The following GALNT13 variants were observed in gnomAD, a reference collection of about 807,000 sequenced individuals.
The protein encoded by GALNT13 is UDP-GalNAc:polypeptide N-acetylgalactosaminyltransferase 13.
A neutral mutation model predicts 64.2 loss-of-function variants in GALNT13; 28 were observed. The observed-to-expected ratio is 0.44, with a 90% CI of 0.32 to 0.60. The LOEUF is 0.60. Among genes scored for constraint, GALNT13 ranks in the 20% least tolerant of loss-of-function variants. GALNT13 has a pLI of 0.05. For synonymous variants in GALNT13, 214 were observed against 224.6 expected (o/e 0.95, Z 0.42); for missense variants, 577 against 669.8 (o/e 0.86, Z 1.53).
At chr2:154,346,591 G>A (rs1276890141) in intron 9 of GALNT13, among the ~76,000 whole-genome samples, 1 of 152,044 alleles carries the variant, frequency 6.6e-6, no homozygotes, top group Non-Finnish European at 1.5e-5. Flanking sequence ...CTGCCACCAT[G>A]TAAAGTGTAC....
At chr2:153,163,967 G>A in the GALNT13 span, among the ~76,000 whole-genome samples, 45 of 149,686 alleles carry the variant, frequency 3.0e-4, no homozygotes, top group Non-Finnish European at 4.6e-4. Flanking sequence ...GCAGTGAGCC[G>A]AGATCGCGCC....
chr2:154,449,812 TTTATG>T lies in GALNT13; in HGVS notation c.1531-594_1531-590del, dbSNP rs200353860. Among the ~76,000 whole-genome samples, 543 of 152,132 alleles carry T rather than the reference TTTATG, an allele frequency of 3.6e-3. 3 individuals carry two copies. The highest frequency in any genetic ancestry group is 0.013 in the African/African-American group (523 of 41,534). On this transcript the variant is annotated intron_variant, in intron 12 of 12. Coordinates refer to ENST00000392825, the MANE Select transcript of GALNT13 (RefSeq NM_052917.4). ...AATATGTGATCATCATGCCCCTGTT[TTTATG>T]TTATATTTTTAAGATTCTTAAAAAT...
chr2:154,415,194 A>G (rs948034899), intron 11 of GALNT13, among the ~76,000 whole-genome samples: 1 of 152,006 alleles, frequency 6.6e-6, no homozygotes, highest in Non-Finnish European at 1.5e-5. Flanking sequence ...AATTAAATTA[A>G]CATAACATTT....
chr2:153,583,924 C>T, the GALNT13 span, among the ~76,000 whole-genome samples: 28 of 152,180 alleles, frequency 1.8e-4, no homozygotes, highest in East Asian at 1.7e-3. Context: ...GGGAACTGAG[C>T]GGAAGGAGAG....
chr2:153,284,615 G>C, the GALNT13 span, among the ~76,000 whole-genome samples: 1 of 152,124 alleles, frequency 6.6e-6, no homozygotes, highest in Admixed American at 6.5e-5. Context: ...TTCTCCATCA[G>C]CCTGGGTTGC....
At chr2:153,699,460 G>A in the GALNT13 span, among the ~76,000 whole-genome samples, 13 of 152,066 alleles carry the variant, frequency 8.5e-5, no homozygotes, top group East Asian at 2.5e-3. Context: ...AAATCCAAAA[G>A]CTAGCAGAAG....
At chr2:153,683,752 A>G in the GALNT13 span, among the ~76,000 whole-genome samples, 1 of 151,776 alleles carries the variant, frequency 6.6e-6, no homozygotes, top group East Asian at 1.9e-4. Context: ...TTTGAACTAA[A>G]TGGTGAAAAT....
intron 4 of GALNT13, among the ~76,000 whole-genome samples, chr2:154,204,922 T>C (rs1337590996): frequency 3.3e-5 from 5 of 152,212 alleles, no homozygotes; most frequent in Non-Finnish European, 5.9e-5. Flanking sequence ...ATACAGCATA[T>C]GGTAATTATT....
intron 3 of GALNT13, among the ~76,000 whole-genome samples, chr2:153,970,053 A>T (rs1693637222): frequency 6.6e-6 from 1 of 152,160 alleles, no homozygotes; most frequent in African/African-American, 2.4e-5. Flanking sequence ...GCATGCCATG[A>T]ATTCAAAGCA....
intron 8 of GALNT13, among the ~76,000 whole-genome samples, chr2:154,289,965 T>G (rs1249409739): frequency 6.6e-6 from 1 of 152,182 alleles, no homozygotes; most frequent in African/African-American, 2.4e-5. Flanking sequence ...TTTAAAAGTC[T>G]TTTCTTGTTC....
chr2:154,071,736 C>G (rs1318772518), intron 3 of GALNT13, among the ~76,000 whole-genome samples: 1 of 152,034 alleles, frequency 6.6e-6, no homozygotes, highest in Non-Finnish European at 1.5e-5. Context: ...CAGCAGTCTG[C>G]CTTCTTGTTT....
At chr2:153,594,312 A>G in the GALNT13 span, among the ~76,000 whole-genome samples, 1 of 152,130 alleles carries the variant, frequency 6.6e-6, no homozygotes, top group Non-Finnish European at 1.5e-5. Flanking sequence ...AAGAAGGTTT[A>G]CATTTTGATT....
chr2:154,412,654 C>T (rs1027195671), intron 11 of GALNT13, among the ~76,000 whole-genome samples: 1 of 151,578 alleles, frequency 6.6e-6, no homozygotes, highest in East Asian at 1.9e-4. Flanking sequence ...CAGGAAGAAA[C>T]TTACTTTTCA....
chr2:154,024,801 G>GT (rs963669543), intron 3 of GALNT13, among the ~76,000 whole-genome samples: 3 of 152,036 alleles, frequency 2.0e-5, no homozygotes, highest in African/African-American at 7.2e-5. Flanking sequence ...TTTCTGCTCT[G>GT]TTTTTTTCCC....
the GALNT13 span, among the ~76,000 whole-genome samples, chr2:153,690,383 C>G: frequency 6.6e-6 from 1 of 152,178 alleles, no homozygotes; most frequent in Non-Finnish European, 1.5e-5. Context: ...ATAGTCAAGC[C>G]TCTCTGATCC....
chr2:153,226,142 C>A, the GALNT13 span, among the ~76,000 whole-genome samples: 4 of 152,122 alleles, frequency 2.6e-5, no homozygotes, highest in African/African-American at 9.6e-5. Context: ...CCATATTGGC[C>A]AGGCTGGTCT....
chr2:153,126,338 A>ATATATATATT, the GALNT13 span, among the ~76,000 whole-genome samples: 15 of 64,236 alleles, frequency 2.3e-4, no homozygotes, highest in African/African-American at 7.6e-4. Context: ...ATATATATAT[A>ATATATATATT]TATATATATG....
the GALNT13 span, among the ~76,000 whole-genome samples, chr2:153,156,589 A>T: frequency 2.0e-5 from 3 of 152,148 alleles, no homozygotes; most frequent in Non-Finnish European, 4.4e-5. Flanking sequence ...AGTAGATTTG[A>T]TATATGTCAT....
At chr2:154,225,161 GATA>G (rs1688543382) in intron 4 of GALNT13, among the ~76,000 whole-genome samples, 1 of 936 alleles carries the variant, frequency 1.1e-3, no homozygotes, top group Non-Finnish European at 2.6e-3. Context: ...ATAGATAGAT[GATA>G]GATAGATAGA....
Sources: gnomAD v4.1 joint callset for allele counts (sites outside exome capture counted in the v4.1 genomes callset) on GRCh38, gnomAD v4.1.1 for gene constraint, MANE v1.5 for transcripts, NCBI Gene and HGNC (gene_info 2026-07-23, HGNC 2026-07-21) for gene names.